Variants in AOPEP observed in about 807,000 individuals in gnomAD.
The protein encoded by AOPEP is aminopeptidase O.
Under a neutral mutation model 98.1 loss-of-function variants are expected in AOPEP, and 77 were observed. That is an observed-to-expected ratio of 0.78 (90% CI 0.65 to 0.95). AOPEP has a LOEUF of 0.95. AOPEP is among the 40% of genes least tolerant of loss of function. The pLI, the probability that AOPEP is intolerant of heterozygous loss-of-function variation, is 0.00. For missense variants in AOPEP, 1,024 were observed against 1,024.7 expected, an observed-to-expected ratio of 1.00 and a Z score of 0.01; for synonymous variants, 346 against 365.3, an observed-to-expected ratio of 0.95 and a Z score of 0.60.
rs765476596 is a variant in AOPEP, at chr9:94,759,942, C to A, written c.159C>A (p.Phe53Leu). The change falls in exon 2 of 17, where the codon TTC (phenylalanine) becomes TTA (leucine). Residue 53 changes from phenylalanine to leucine, a missense_variant. Transcript: ENST00000375315. ...IVLFLEDGNR[F>L]KKQNSSIEEA... The stretch of plus-strand genomic sequence containing the variant: ...TTTTCCTCGAGGATGGAAACAGATT[C>A]AAGAAACAGAATAGCTCTATTGAGG... 6.2e-7 allele frequency: 1 copy of A among 1,614,090 alleles called. No homozygotes were observed.
downstream of AOPEP, among the ~76,000 whole-genome samples, chr9:95,087,823 C>T (rs1250162089): frequency 1.3e-5 from 2 of 152,218 alleles, no homozygotes; most frequent in Non-Finnish European, 2.9e-5. Context: ...GGAACGGGTG[C>T]AGCCATGGGC....
chr9:94,864,731 A>G (rs115767091), intron 5 of AOPEP, among the ~76,000 whole-genome samples: 1,814 of 152,332 alleles, frequency 0.012, 37 homozygotes, highest in African/African-American at 0.042. Flanking sequence ...TTAATGTTTT[A>G]TACTTTTTTC....
At chr9:94,932,195 A>C (rs2137110236) in intron 7 of AOPEP, 1 of 988,814 alleles carries the variant, frequency 1.0e-6, no homozygotes, top group Non-Finnish European at 1.2e-6. Context: ...GGAAGGACAT[A>C]CAGGTCAGGG....
At chr9:95,117,336 C>T in the AOPEP span, 1 of 1,614,082 alleles carries the variant, frequency 6.2e-7, no homozygotes, top group East Asian at 2.2e-5. Flanking sequence ...TGCAGCAGCA[C>T]CATGGCAAGA....
intron 11 of AOPEP, among the ~76,000 whole-genome samples, chr9:94,999,640 A>G (rs988652282): frequency 6.6e-6 from 1 of 152,226 alleles, no homozygotes; most frequent in Admixed American, 6.5e-5. Flanking sequence ...ACTTAATGCG[A>G]TAACAGGACT....
the AOPEP span, among the ~76,000 whole-genome samples, chr9:95,146,053 A>G: frequency 6.6e-6 from 1 of 152,098 alleles, no homozygotes; most frequent in African/African-American, 2.4e-5. Flanking sequence ...TCCTGACTAG[A>G]TATGTGATGA....
At chr9:94,846,060 A>G (rs756011891) in intron 5 of AOPEP, among the ~76,000 whole-genome samples, 2 of 150,756 alleles carry the variant, frequency 1.3e-5, no homozygotes, top group Non-Finnish European at 2.9e-5. Flanking sequence ...GCGCCATTGC[A>G]CTCCAGCCTG....
rs1362995594 is a variant in AOPEP, at chr9:95,086,894, A to AG, written c.*219dup. The AG allele has an allele frequency of 3.1e-5, 31 of 987,686 alleles. No homozygotes were observed. The highest frequency in any genetic ancestry group is 3.7e-5 in the Non-Finnish European group (31 of 830,078). The allele number at this position is 987,686 out of a possible 1,614,324, so 61.2% of individuals were successfully genotyped here. A position where few individuals can be genotyped will look rare whatever the true frequency, so the allele number is the denominator to read the frequency against. Reference sequence around the variant, plus strand: ...TCGTAAACGCAGCCTCCCTCCCTGGAGGCTGCCTCCTGCCCTGGATCTGGA... The same window carrying AG: ...TCGTAAACGCAGCCTCCCTCCCTGGAGGGCTGCCTCCTGCCCTGGATCTGGA... On this transcript the variant is annotated 3_prime_UTR_variant, in exon 17 of 17. Transcript: ENST00000375315.
chr9:94,814,706 T>C (rs1206079737), intron 5 of AOPEP, among the ~76,000 whole-genome samples: 1 of 152,186 alleles, frequency 6.6e-6, no homozygotes, highest in Non-Finnish European at 1.5e-5. Flanking sequence ...AGAGTCAGAA[T>C]GCAAAGGGAT....
chr9:95,124,167 C>T, the AOPEP span, among the ~76,000 whole-genome samples: 2 of 145,258 alleles, frequency 1.4e-5, no homozygotes, highest in Admixed American at 1.4e-4. Context: ...ATCTATTTGA[C>T]GTTGGCGGGG....
the AOPEP span, chr9:95,149,814 C>T: frequency 7.9e-7 from 1 of 1,262,466 alleles, no homozygotes; most frequent in Non-Finnish European, 1.1e-6. Context: ...ATAAAGGGTA[C>T]TGAGACAAAA....
At chr9:94,863,787 G>A (rs981432376) in intron 5 of AOPEP, among the ~76,000 whole-genome samples, 2 of 152,218 alleles carry the variant, frequency 1.3e-5, no homozygotes, top group Non-Finnish European at 2.9e-5. Flanking sequence ...GCAAGTGTAT[G>A]TGTATGCACA....
At chr9:95,125,725 GGTGA>G in the AOPEP span, among the ~76,000 whole-genome samples, 1 of 152,160 alleles carries the variant, frequency 6.6e-6, no homozygotes, top group African/African-American at 2.4e-5. Flanking sequence ...TCTGACTACT[GGTGA>G]GTTATTGTCA....
At chr9:94,875,561 C>T (rs1053853058) in intron 5 of AOPEP, among the ~76,000 whole-genome samples, 1 of 152,142 alleles carries the variant, frequency 6.6e-6, no homozygotes, top group Non-Finnish European at 1.5e-5. Context: ...GAATAGTTGG[C>T]CACCTGTGAG....
At chr9:95,010,367 G>C (rs970722187) in intron 13 of AOPEP, among the ~76,000 whole-genome samples, 4 of 152,150 alleles carry the variant, frequency 2.6e-5, no homozygotes, top group African/African-American at 9.7e-5. Flanking sequence ...TGGTGACTGT[G>C]GTAGGCTTGA....
chr9:94,874,489 G>A (rs1437504658), intron 5 of AOPEP, among the ~76,000 whole-genome samples: 7 of 152,132 alleles, frequency 4.6e-5, no homozygotes, highest in African/African-American at 4.8e-5. Context: ...TCATCAATCC[G>A]TGACACACTT....
Position 94,892,911 on chromosome 9 carries a change from T to G in AOPEP, c.1365-31075T>G, listed in dbSNP as rs1330075060. Among the ~76,000 whole-genome samples the G allele has an allele frequency of 3.3e-5, 5 of 152,146 alleles. No homozygotes were observed. The East Asian group carries it at 9.6e-4, about 29-fold the overall frequency. On this transcript the variant is annotated intron_variant, in intron 5 of 16. Transcript: ENST00000375315. ...TCTTGCTAGGTTGCCCAGGCTTGTC[T>G]TGAACACCTGACCTCAAGCAATCTT...
chr9:94,899,368 T>A (rs995865064), intron 5 of AOPEP, among the ~76,000 whole-genome samples: 1 of 149,690 alleles, frequency 6.7e-6, no homozygotes, highest in Non-Finnish European at 1.5e-5. Flanking sequence ...TTTTTTTTTT[T>A]AGTAGAGACG....
chr9:95,144,892 A>G, the AOPEP span, among the ~76,000 whole-genome samples: 11 of 152,320 alleles, frequency 7.2e-5, no homozygotes, highest in South Asian at 2.1e-4. Context: ...AGTATCTCAC[A>G]TAAGGACCAA....
Sources: gnomAD v4.1 joint callset for allele counts (sites outside exome capture counted in the v4.1 genomes callset) on GRCh38, gnomAD v4.1.1 for gene constraint, MANE v1.5 for transcripts, NCBI Gene and HGNC (gene_info 2026-07-23, HGNC 2026-07-21) for gene names.